AQR: variants seen among roughly 807,000 people sequenced by gnomAD.
The protein encoded by AQR is aquarius intron-binding spliceosomal factor.
AQR carries 61 observed loss-of-function variants against 180.5 expected under a neutral mutation model. The ratio of observed to expected loss-of-function variants is 0.34; its 90% CI spans 0.28 to 0.42. The LOEUF (loss-of-function observed/expected upper bound fraction) is 0.42. Among genes scored for constraint, AQR ranks in the 10% least tolerant of loss-of-function variants. AQR has a pLI of 1.00. For synonymous variants in AQR, 551 were observed against 588.8 expected, an observed-to-expected ratio of 0.94 and a Z score of 0.93; for missense variants, 1,281 against 1,798.3, an observed-to-expected ratio of 0.71 and a Z score of 5.20.
At position 34,968,238 on chromosome 15, in the gene AQR, A is replaced by T. The variant is rs1208064267; in HGVS notation, c.75+1301T>A. ...ACCCTATCTTGAAAGAAGAAAAGGA[A>T]GGAAAGGAAGGAAGAGATTTTTTTT... On this transcript the variant is annotated intron_variant, in intron 1 of 34. Coordinates refer to ENST00000156471, the MANE Select transcript of AQR (RefSeq NM_014691.3). Among the ~76,000 whole-genome samples, 7 of 141,858 alleles carry T rather than the reference A, an allele frequency of 4.9e-5. No individual in the cohort carries two copies. In the Admixed American group the frequency reaches 5.2e-4, roughly 10 times the overall value. 93.1% of individuals were successfully genotyped at this position (141,858 alleles called of 152,430 possible). A position where few individuals can be genotyped will look rare whatever the true frequency, so the allele number is the denominator to read the frequency against.
intron 17 of AQR, among the ~76,000 whole-genome samples, chr15:34,908,987 A>G (rs1893459448): frequency 6.8e-6 from 1 of 147,268 alleles, no homozygotes; most frequent in Non-Finnish European, 1.5e-5. Context: ...ATTAGTCTAG[A>G]TGAGTAATAT....
At chr15:34,946,614 A>G (rs866402677) in intron 5 of AQR, among the ~76,000 whole-genome samples, 1,635 of 129,158 alleles carry the variant, frequency 0.013, 41 homozygotes, top group African/African-American at 0.041. Context: ...CAGCCGCCCC[A>G]TCCGGGAGGT....
intron 31 of AQR, chr15:34,868,183 T>C (rs1258882790): frequency 6.6e-6 from 1 of 152,440 alleles, no homozygotes; most frequent in East Asian, 1.9e-4. Context: ...ATACAAAAAT[T>C]AGCTGGGCAT....
intron 24 of AQR, among the ~76,000 whole-genome samples, chr15:34,887,283 AAAG>A (rs1272684994): frequency 2.6e-5 from 4 of 152,324 alleles, no homozygotes; most frequent in Admixed American, 1.3e-4. Context: ...ACACTTTCAC[AAAG>A]AAGAAAGCAG....
chr15:34,961,179 A>G (rs1159828140), intron 2 of AQR, among the ~76,000 whole-genome samples: 1 of 152,170 alleles, frequency 6.6e-6, no homozygotes, highest in African/African-American at 2.4e-5. Flanking sequence ...CAAAACCCAG[A>G]GAGAAAATAA....
chr15:34,903,622 CACA>C (rs1251066642), intron 19 of AQR, among the ~76,000 whole-genome samples: 4 of 151,966 alleles, frequency 2.6e-5, no homozygotes, highest in South Asian at 2.1e-4. Context: ...CTTAAAAAAT[CACA>C]ACAACAGGGT....
intron 9 of AQR, among the ~76,000 whole-genome samples, chr15:34,937,883 C>CAA (rs201185376): frequency 1.4e-5 from 2 of 145,584 alleles, no homozygotes; most frequent in Non-Finnish European, 3.0e-5. Flanking sequence ...CACTCTGTCT[C>CAA]AAAAAAAAAT....
chr15:34,946,610 C>T (rs1316527842), intron 5 of AQR, among the ~76,000 whole-genome samples: 1 of 146,708 alleles, frequency 6.8e-6, no homozygotes, highest in Non-Finnish European at 1.5e-5. Context: ...CGGCCAGCCG[C>T]CCCATCCGGG....
intron 6 of AQR, among the ~76,000 whole-genome samples, chr15:34,943,589 T>C (rs561432393): frequency 1.3e-5 from 2 of 152,226 alleles, no homozygotes; most frequent in African/African-American, 4.8e-5. Context: ...CAGGTAATAA[T>C]CATCCATCTA....
At chr15:34,876,233 G>C (rs1248114766) in intron 27 of AQR, among the ~76,000 whole-genome samples, 2 of 152,084 alleles carry the variant, frequency 1.3e-5, no homozygotes, top group Non-Finnish European at 2.9e-5. Flanking sequence ...CAGGAAAGCC[G>C]CCTAAATATA....
Position 34,856,228 on chromosome 15 carries a change from C to G in AQR, c.*564G>C. The G allele has an allele frequency of 4.3e-6, 1 of 230,982 alleles. No individual in the cohort carries two copies. Among genetic ancestry groups the G allele is most frequent in the East Asian group, 8.2e-5 (1 of 12,122 alleles). The allele number at this position is 230,982 out of a possible 1,614,324, so 14.3% of individuals were successfully genotyped here. ...GTGTGCCTCAAGAATAAACAGACATCTTAGGTGATTCTAAGGCATTCTAAG... is the reference window on the plus strand; with the variant it reads ...GTGTGCCTCAAGAATAAACAGACATGTTAGGTGATTCTAAGGCATTCTAAG... On this transcript the variant is annotated 3_prime_UTR_variant, in exon 35 of 35. Coordinates refer to ENST00000156471, the MANE Select transcript of AQR (RefSeq NM_014691.3).
intron 16 of AQR, among the ~76,000 whole-genome samples, chr15:34,912,663 G>C (rs1202543392): frequency 6.6e-6 from 1 of 151,034 alleles, no homozygotes; most frequent in East Asian, 1.9e-4. Context: ...AAACAAGCTA[G>C]TTGTAATAAA....
chr15:34,931,023 A>G (rs1433602696), intron 11 of AQR, among the ~76,000 whole-genome samples: 1 of 151,976 alleles, frequency 6.6e-6, no homozygotes, highest in Non-Finnish European at 1.5e-5. Context: ...CTTTTAGTAG[A>G]GACGGGGTTT....
intron 4 of AQR, among the ~76,000 whole-genome samples, chr15:34,949,102 C>G (rs548956269): frequency 6.6e-6 from 1 of 151,840 alleles, no homozygotes; most frequent in African/African-American, 2.4e-5. Flanking sequence ...AAGCAATTCT[C>G]CTGCCTCTGC....
Position 34,867,509 on chromosome 15 carries a change from T to A in AQR, c.3854+15A>T. On this transcript the variant is annotated intron_variant, in intron 32 of 34. Transcript: ENST00000156471. ...TAAAGTTCAATAAATATTATGAAAG[T>A]TTTTTCCTACGTACCTCAGATGGCC... 2 of 1,605,304 alleles carry A rather than the reference T, an allele frequency of 1.2e-6. No individual in the cohort carries two copies. The highest frequency in any genetic ancestry group is 1.7e-6 in the Non-Finnish European group (2 of 1,172,754).
In AQR at chr15:34,896,805, C is replaced by T. The variant is rs553705458; in HGVS notation, c.2460+92G>A. On this transcript the variant is annotated intron_variant, in intron 22 of 34. Coordinates refer to ENST00000156471, the MANE Select transcript of AQR (RefSeq NM_014691.3). ...CAGAGGCTGCAGTGAGCTGAGATCG[C>T]GCCACTGCACTCCGGCATGGGCAAC... 70 of 1,087,230 alleles carry T rather than the reference C, an allele frequency of 6.4e-5. No individual in the cohort carries two copies. In the Middle Eastern group the frequency reaches 1.6e-3, roughly 25 times the overall value. The allele number at this position is 1,087,230 out of a possible 1,614,324, so 67.3% of individuals were successfully genotyped here.
At chr15:34,959,982 GA>G (rs973022602) in intron 3 of AQR, among the ~76,000 whole-genome samples, 1 of 151,588 alleles carries the variant, frequency 6.6e-6, no homozygotes, top group Non-Finnish European at 1.5e-5. Flanking sequence ...CTCAAAAAAA[GA>G]AAAAAAACAA....
intron 33 of AQR, among the ~76,000 whole-genome samples, chr15:34,861,772 A>G (rs1892674119): frequency 1.3e-5 from 2 of 152,078 alleles, no homozygotes; most frequent in Admixed American, 6.5e-5. Context: ...CCATTTTCCT[A>G]TTTCTCCACA....
At position 34,856,839 on chromosome 15, in the gene AQR, C is replaced by G. The variant is rs1192269276; in HGVS notation, c.4411G>C (p.Ala1471Pro). 1 of 1,600,420 alleles carries G rather than the reference C, an allele frequency of 6.2e-7. No individual in the cohort carries two copies. The highest frequency in any genetic ancestry group is 1.7e-5 in the Admixed American group (1 of 59,072). ...GATGTGGCATCCTGAGGTGTGTTAG[C>G]TTCTGCCGGTGCAGATACAGCTCCT... is the stretch of plus-strand genomic sequence containing the variant. Reference protein sequence around the residue: ...VVGAVSAPAEANTPQDATSAP... With the variant: ...VVGAVSAPAEPNTPQDATSAP... Residue 1471 changes from alanine (A) to proline (P), a missense_variant, in exon 35 of 35, where the codon GCT (alanine) becomes CCT (proline). Coordinates refer to ENST00000156471, the MANE Select transcript of AQR (RefSeq NM_014691.3).
Sources: allele counts gnomAD v4.1 joint callset (sites outside exome capture counted in the v4.1 genomes callset), GRCh38; gene constraint gnomAD v4.1.1; transcripts MANE v1.5; gene names NCBI Gene and HGNC (gene_info 2026-07-23, HGNC 2026-07-21).